Variants in IL1RAPL1 observed in about 807,000 individuals in gnomAD.
The protein encoded by IL1RAPL1 is interleukin 1 receptor accessory protein like 1, also known as interleukin-1 receptor accessory protein-like 1.
IL1RAPL1 carries 3 observed loss-of-function variants against 48.4 expected under a neutral mutation model. The observed-to-expected ratio is 0.06, with a 90% CI of 0.03 to 0.16. IL1RAPL1 has a LOEUF of 0.16. Ranked by LOEUF, IL1RAPL1 falls within the 10% of genes least tolerant of loss-of-function variation. IL1RAPL1 has a pLI of 1.00. For missense variants in IL1RAPL1, 349 were observed against 530.6 expected (o/e 0.66, Z 3.36); for synonymous variants, 185 against 187.7 (o/e 0.99, Z 0.12).
intron 2 of IL1RAPL1, among the ~76,000 whole-genome samples, chrX:29,199,629 A>G (rs1030048184): frequency 4.5e-5 from 5 of 110,879 alleles, no homozygotes; most frequent in Non-Finnish European, 7.5e-5. Flanking sequence ...GCAGTTCACA[A>G]TAGGTTTGCT....
intron 6 of IL1RAPL1, among the ~76,000 whole-genome samples, chrX:29,758,926 C>T: frequency 9.0e-6 from 1 of 111,404 alleles, no homozygotes; most frequent in Non-Finnish European, 1.9e-5. Context: ...GTTAAACAGC[C>T]TGAGAATTAC....
intron 6 of IL1RAPL1, among the ~76,000 whole-genome samples, chrX:29,714,754 C>T (rs930049282): frequency 3.6e-5 from 4 of 111,802 alleles, no homozygotes; most frequent in African/African-American, 9.7e-5. Flanking sequence ...TTGCCATTGA[C>T]TCAACCTTGC....
intron 6 of IL1RAPL1, among the ~76,000 whole-genome samples, chrX:29,834,456 C>T (rs1450694322): frequency 1.8e-5 from 2 of 108,608 alleles, no homozygotes; most frequent in East Asian, 2.9e-4. Flanking sequence ...AACCTCTCAA[C>T]GCTACCCCTT....
intron 2 of IL1RAPL1, among the ~76,000 whole-genome samples, chrX:29,192,034 T>C (rs1930361231): frequency 8.9e-6 from 1 of 111,771 alleles, no homozygotes; most frequent in Non-Finnish European, 1.9e-5. Context: ...GCCAGTCTAC[T>C]CAGCTATGTA....
chrX:28,975,481 T>A (rs1486817015), intron 2 of IL1RAPL1, among the ~76,000 whole-genome samples: 3 of 112,139 alleles, frequency 2.7e-5, no homozygotes, highest in Non-Finnish European at 3.8e-5. Context: ...AATATTTGAA[T>A]TGGGCTAAAA....
At chrX:29,681,787 T>G (rs2147106016) in intron 6 of IL1RAPL1, among the ~76,000 whole-genome samples, 1 of 111,533 alleles carries the variant, frequency 9.0e-6, no homozygotes, top group Non-Finnish European at 1.9e-5. Flanking sequence ...GAGTCGAGAG[T>G]TGGGACGACA....
Position 29,857,215 on chromosome X carries a change from C to G in IL1RAPL1, c.779-60249C>G, listed in dbSNP as rs1029088297. On this transcript the variant is annotated intron_variant, in intron 6 of 10. Transcript: ENST00000378993. ...TTCAAATAGCACAAGAGAAAAACTT[C>G]CACAGAAGTTTAAAACGTACTGAGA... 4.5e-5 allele frequency among the ~76,000 whole-genome samples: 5 copies of G among 111,117 alleles called. No individual in the cohort carries two copies. In the East Asian group the frequency reaches 1.4e-3, roughly 31 times the overall value.
chrX:29,653,261 A>G (rs1175550413), intron 5 of IL1RAPL1, among the ~76,000 whole-genome samples: 1 of 112,389 alleles, frequency 8.9e-6, no homozygotes, highest in East Asian at 2.8e-4. Flanking sequence ...AGAGAATAAC[A>G]TAATGAAACC....
At position 29,320,215 on chromosome X, in the gene IL1RAPL1, G is replaced by A. The variant is rs193178196; in HGVS notation, c.362+36998G>A. Among the ~76,000 whole-genome samples the A allele has an allele frequency of 2.7e-5, 3 of 111,862 alleles. No homozygotes were observed. The Admixed American group carries it at 2.9e-4, about 11-fold the overall frequency. ...AGGTCATCCAAATGTCCTGAAATTGGATGCAAATTTTTATTTCTATGTGCA... is the reference window on the plus strand; with the variant it reads ...AGGTCATCCAAATGTCCTGAAATTGAATGCAAATTTTTATTTCTATGTGCA... On this transcript the variant is annotated intron_variant, in intron 3 of 10. Coordinates refer to ENST00000378993, the MANE Select transcript of IL1RAPL1 (RefSeq NM_014271.4).
chrX:28,797,777 G>A lies in IL1RAPL1; in HGVS notation c.82+8352G>A, dbSNP rs191952713. 6.3e-5 allele frequency among the ~76,000 whole-genome samples: 7 copies of A among 111,767 alleles called. No homozygotes were observed. In the Admixed American group the frequency reaches 6.7e-4, roughly 11 times the overall value. ...GTTACCCAGTTCCAAAGTCGCTTCT[G>A]CATTTTCCGGTATCTTTTCAGCAAT... On this transcript the variant is annotated intron_variant, in intron 2 of 10. Coordinates refer to ENST00000378993, the MANE Select transcript of IL1RAPL1 (RefSeq NM_014271.4).
At chrX:29,901,591 C>T (rs59160205) in intron 6 of IL1RAPL1, among the ~76,000 whole-genome samples, 569 of 111,652 alleles carry the variant, frequency 5.1e-3, no homozygotes, top group African/African-American at 0.017. Context: ...TTCCAATTTT[C>T]CCCCCATATT....
At chrX:29,817,456 A>T (rs1335739303) in intron 6 of IL1RAPL1, among the ~76,000 whole-genome samples, 3 of 109,876 alleles carry the variant, frequency 2.7e-5, no homozygotes, top group Non-Finnish European at 3.8e-5. Context: ...TTTTGGCAAA[A>T]CTCAGCTGAA....
chrX:29,158,533 G>T (rs1002775271), intron 2 of IL1RAPL1, among the ~76,000 whole-genome samples: 2 of 110,709 alleles, frequency 1.8e-5, no homozygotes, highest in Admixed American at 1.9e-4. Context: ...CTGCCACCAT[G>T]CCTGGCTAAA....
At chrX:28,982,866 G>A (rs1048649145) in intron 2 of IL1RAPL1, 2 of 110,320 alleles carry the variant, frequency 1.8e-5, no homozygotes, top group Non-Finnish European at 3.8e-5. Context: ...TACAGCACCC[G>A]GTATTCCCAG....
chrX:29,194,715 A>G (rs1930411458), intron 2 of IL1RAPL1, among the ~76,000 whole-genome samples: 1 of 112,253 alleles, frequency 8.9e-6, no homozygotes. Context: ...AATTATATTT[A>G]TTAATAGAGC....
At chrX:28,865,310 G>A (rs1922051324) in intron 2 of IL1RAPL1, among the ~76,000 whole-genome samples, 2 of 110,583 alleles carry the variant, frequency 1.8e-5, no homozygotes, top group Admixed American at 1.9e-4. Context: ...GTGGTGGCAT[G>A]TGCCTATAAT....
chrX:29,027,542 G>A (rs747863564), intron 2 of IL1RAPL1, among the ~76,000 whole-genome samples: 16 of 111,774 alleles, frequency 1.4e-4, no homozygotes, highest in Admixed American at 9.5e-4. Flanking sequence ...CAGCTCCTTC[G>A]GGTAAAAACC....
At chrX:28,961,998 G>A (rs922923811) in intron 2 of IL1RAPL1, among the ~76,000 whole-genome samples, 6 of 111,780 alleles carry the variant, frequency 5.4e-5, no homozygotes, top group South Asian at 3.7e-4. Flanking sequence ...TTACTCTCAC[G>A]TTAAGAGCAC....
intron 6 of IL1RAPL1, among the ~76,000 whole-genome samples, chrX:29,752,348 TAGTC>T (rs1221778449): frequency 2.8e-5 from 3 of 106,551 alleles, no homozygotes; most frequent in African/African-American, 1.0e-4. Flanking sequence ...ATACAAAAAT[TAGTC>T]AGGCGTTGCG....
Sources: gnomAD v4.1 joint callset for allele counts (sites outside exome capture counted in the v4.1 genomes callset) on GRCh38, gnomAD v4.1.1 for gene constraint, MANE v1.5 for transcripts, NCBI Gene and HGNC (gene_info 2026-07-23, HGNC 2026-07-21) for gene names.